TNFSF4: variants seen among roughly 807,000 people sequenced by gnomAD.
The protein encoded by TNFSF4 is tumor necrosis factor ligand superfamily member 4.
TNFSF4 carries 4 observed loss-of-function variants against 7.3 expected under a neutral mutation model. The ratio of observed to expected loss-of-function variants is 0.55; its 90% CI spans 0.27 to 1.25. TNFSF4 has a LOEUF of 1.25. Among genes scored for constraint, TNFSF4 ranks in the 50% most tolerant of loss-of-function variants. The pLI is 0.12. For synonymous variants in TNFSF4, 76 were observed against 83.7 expected, an observed-to-expected ratio of 0.91 and a Z score of 0.50; for missense variants, 181 against 208.8, an observed-to-expected ratio of 0.87 and a Z score of 0.82.
At chr1:173,283,927 CAAAAAAAA>C in the TNFSF4 span, among the ~76,000 whole-genome samples, 1 of 62,436 alleles carries the variant, frequency 1.6e-5, no homozygotes, top group Non-Finnish European at 3.3e-5. Context: ...CTTATGAATG[CAAAAAAAA>C]AAAAAAAAAA....
chr1:173,373,355 A>G, the TNFSF4 span, among the ~76,000 whole-genome samples: 1 of 152,218 alleles, frequency 6.6e-6, no homozygotes, highest in Non-Finnish European at 1.5e-5. Context: ...TACCTATGGA[A>G]GGACCCTTGG....
intron 1 of TNFSF4, among the ~76,000 whole-genome samples, chr1:173,200,380 G>C (rs1055647584): frequency 6.6e-6 from 1 of 152,186 alleles, no homozygotes; most frequent in Non-Finnish European, 1.5e-5. Context: ...GCAAAGATGA[G>C]AGACTGTTAC....
the TNFSF4 span, among the ~76,000 whole-genome samples, chr1:173,316,868 T>C: frequency 6.6e-6 from 1 of 152,332 alleles, no homozygotes. Flanking sequence ...TTTTCTCCCA[T>C]GTTTTCCTCT....
the TNFSF4 span, among the ~76,000 whole-genome samples, chr1:173,403,012 C>G: frequency 2.0e-5 from 3 of 152,098 alleles, no homozygotes; most frequent in African/African-American, 7.2e-5. Flanking sequence ...ACCACGATAC[C>G]CAGCTAATTT....
At chr1:173,311,876 C>T in the TNFSF4 span, among the ~76,000 whole-genome samples, 2 of 152,102 alleles carry the variant, frequency 1.3e-5, no homozygotes, top group Non-Finnish European at 1.5e-5. Context: ...TGGACACATC[C>T]TCTGATAGCT....
At chr1:173,366,303 A>G in the TNFSF4 span, among the ~76,000 whole-genome samples, 1 of 152,216 alleles carries the variant, frequency 6.6e-6, no homozygotes, top group Admixed American at 6.5e-5. Context: ...TTTGGCCATA[A>G]AAAAGAATGA....
At chr1:173,195,859 G>A (rs1649677259) in intron 1 of TNFSF4, among the ~76,000 whole-genome samples, 1 of 152,190 alleles carries the variant, frequency 6.6e-6, no homozygotes, top group South Asian at 2.1e-4. Context: ...GGTGGTAGTA[G>A]TGGGCTAGTA....
chr1:173,269,641 G>A, the TNFSF4 span, among the ~76,000 whole-genome samples: 1 of 152,100 alleles, frequency 6.6e-6, no homozygotes, highest in Non-Finnish European at 1.5e-5. Context: ...AGACACACTG[G>A]ACAAAGGGAT....
At chr1:173,173,795 C>T in the TNFSF4 span, among the ~76,000 whole-genome samples, 23 of 152,212 alleles carry the variant, frequency 1.5e-4, no homozygotes, top group Admixed American at 1.2e-3. Flanking sequence ...GCAGGGGGGC[C>T]CTGGGCTGTG....
At position 173,185,316 on chromosome 1, in the gene TNFSF4, T is replaced by C. The variant is rs1170225937; in HGVS notation, c.*1200A>G. On this transcript the variant is annotated 3_prime_UTR_variant, in exon 3 of 3. Coordinates refer to ENST00000281834, the MANE Select transcript of TNFSF4 (RefSeq NM_003326.5). The stretch of plus-strand genomic sequence containing the variant: ...ACAGCGCCATAAGCATAACACATTA[T>C]ATCAAGTTAAGGGGACATTTCAACT... 2 of 152,248 alleles carry C rather than the reference T, an allele frequency of 1.3e-5. No homozygotes were observed. Among genetic ancestry groups the C allele is most frequent in the African/African-American group, 2.4e-5 (1 of 41,478 alleles). The allele number at this position is 152,248 out of a possible 1,614,324, so 9.4% of individuals were successfully genotyped here.
the TNFSF4 span, among the ~76,000 whole-genome samples, chr1:173,366,336 T>C: frequency 6.6e-6 from 1 of 152,110 alleles, no homozygotes; most frequent in East Asian, 1.9e-4. Flanking sequence ...TGCAACAACA[T>C]AGACGGAAGT....
chr1:173,325,693 G>A, the TNFSF4 span, among the ~76,000 whole-genome samples: 26 of 152,164 alleles, frequency 1.7e-4, no homozygotes, highest in East Asian at 5.8e-4. Flanking sequence ...TATCACCACC[G>A]ATCCCACAGA....
At chr1:173,335,221 T>C in the TNFSF4 span, among the ~76,000 whole-genome samples, 3,139 of 151,794 alleles carry the variant, frequency 0.021, 45 homozygotes, top group Non-Finnish European at 0.031. Context: ...CTTCTTTCAA[T>C]GTAGAGAAAG....
the TNFSF4 span, among the ~76,000 whole-genome samples, chr1:173,322,368 G>T: frequency 1.3e-5 from 2 of 152,096 alleles, no homozygotes; most frequent in Non-Finnish European, 2.9e-5. Context: ...AGGACAAATA[G>T]ATAAGGTATG....
the TNFSF4 span, among the ~76,000 whole-genome samples, chr1:173,421,104 C>T: frequency 1.2e-3 from 183 of 152,224 alleles, 1 homozygote; most frequent in African/African-American, 4.0e-3. Flanking sequence ...CCACCACTGC[C>T]CCTGCCCGCA....
At chr1:173,273,153 G>T in the TNFSF4 span, among the ~76,000 whole-genome samples, 1 of 152,078 alleles carries the variant, frequency 6.6e-6, no homozygotes, top group East Asian at 1.9e-4. Context: ...ATATCATCTT[G>T]TCCTTTCTTA....
chr1:173,400,138 G>A, the TNFSF4 span, among the ~76,000 whole-genome samples: 1 of 152,196 alleles, frequency 6.6e-6, no homozygotes, highest in African/African-American at 2.4e-5. Flanking sequence ...TCTGATCAAA[G>A]AACTCACTTC....
chr1:173,338,421 C>A, the TNFSF4 span, among the ~76,000 whole-genome samples: 1 of 152,048 alleles, frequency 6.6e-6, no homozygotes, highest in Non-Finnish European at 1.5e-5. Flanking sequence ...GTCAGTGGGC[C>A]CATGCTCATG....
At chr1:173,369,801 G>A in the TNFSF4 span, among the ~76,000 whole-genome samples, 4 of 152,132 alleles carry the variant, frequency 2.6e-5, no homozygotes, top group African/African-American at 7.2e-5. Flanking sequence ...TTCTGTAAGA[G>A]AGAAGGAAAA....
Sources: allele counts gnomAD v4.1 joint callset (sites outside exome capture counted in the v4.1 genomes callset), GRCh38; gene constraint gnomAD v4.1.1; transcripts MANE v1.5; gene names NCBI Gene and HGNC (gene_info 2026-07-23, HGNC 2026-07-21).